KYNU: variants seen among roughly 807,000 people sequenced by gnomAD.
KYNU encodes kynureninase, also known as L-kynurenine hydrolase.
A neutral mutation model predicts 59.2 loss-of-function variants in KYNU; 54 were observed. The observed-to-expected ratio is 0.91, with a 90% CI of 0.73 to 1.14. The LOEUF is 1.14. Among genes scored for constraint, KYNU ranks in the 50% most tolerant of loss-of-function variants. The probability of loss-of-function intolerance (pLI) is 0.00; values close to 1 mark genes in which losing one functional copy is unlikely to be tolerated. For missense variants in KYNU, 567 were observed against 554.4 expected (o/e 1.02, Z -0.23); for synonymous variants, 177 against 192.0 (o/e 0.92, Z 0.65).
intron 10 of KYNU, among the ~76,000 whole-genome samples, chr2:143,016,616 T>C (rs1268637517): frequency 6.6e-6 from 1 of 152,220 alleles, no homozygotes; most frequent in Non-Finnish European, 1.5e-5. Context: ...TGAACTGCTG[T>C]TTATATTAGA....
In KYNU at chr2:142,887,118, G is replaced by A. The variant is rs549379129; in HGVS notation, c.169+1582G>A. Among the ~76,000 whole-genome samples the A allele has an allele frequency of 9.2e-5, 14 of 152,042 alleles. No individual in the cohort carries two copies. The South Asian group carries it at 1.9e-3, about 20-fold the overall frequency. On this transcript the variant is annotated intron_variant, in intron 2 of 13. Transcript: ENST00000264170. ...CCGGGAGGCAGAGCTTGCAGAGAGC[G>A]GAGACTGCACCACTGCACTCCAGCT... is the stretch of plus-strand genomic sequence containing the variant.
At chr2:143,036,447 G>A (rs1686896850) in intron 12 of KYNU, among the ~76,000 whole-genome samples, 1 of 152,164 alleles carries the variant, frequency 6.6e-6, no homozygotes, top group Admixed American at 6.6e-5. Flanking sequence ...AAGGAAGGAG[G>A]AAGTAACTTG....
intron 10 of KYNU, among the ~76,000 whole-genome samples, chr2:143,020,092 T>G (rs1202383861): frequency 6.6e-6 from 1 of 152,056 alleles, no homozygotes; most frequent in African/African-American, 2.4e-5. Flanking sequence ...TTGTTGATCT[T>G]TTATATTTGT....
intron 4 of KYNU, among the ~76,000 whole-genome samples, chr2:142,928,121 G>A (rs1241297134): frequency 1.3e-5 from 2 of 151,928 alleles, no homozygotes; most frequent in African/African-American, 4.8e-5. Flanking sequence ...CATGCTAAAG[G>A]TGTAAAACAC....
At chr2:142,980,164 G>T (rs916105816) in intron 8 of KYNU, among the ~76,000 whole-genome samples, 1 of 150,006 alleles carries the variant, frequency 6.7e-6, no homozygotes, top group African/African-American at 2.4e-5. Context: ...CCTAGCACTG[G>T]TGGGAGTGTC....
intron 2 of KYNU, among the ~76,000 whole-genome samples, chr2:142,909,353 T>A (rs1315281317): frequency 2.0e-5 from 3 of 152,276 alleles, no homozygotes; most frequent in South Asian, 2.1e-4. Flanking sequence ...ATTTTTTTTT[T>A]AATTTCAACT....
At position 143,054,255 on chromosome 2, in the gene KYNU, T is replaced by G. The variant is rs1242798845; in HGVS notation, c.*12083T>G. ...CTATGTATAAGTATTTCCCCAAGTTTCACTTTATCTTTCTATTACTTTTTT... is the reference window on the plus strand; with the variant it reads ...CTATGTATAAGTATTTCCCCAAGTTGCACTTTATCTTTCTATTACTTTTTT... On this transcript the variant is annotated 3_prime_UTR_variant, in exon 14 of 14. Coordinates refer to ENST00000264170, the MANE Select transcript of KYNU (RefSeq NM_003937.3). 6.6e-6 allele frequency: 1 copy of G among 152,020 alleles called. No individual in the cohort carries two copies. The highest frequency in any genetic ancestry group is 1.5e-5 in the Non-Finnish European group (1 of 68,010). The allele number at this position is 152,020 out of a possible 1,614,324, so 9.4% of individuals were successfully genotyped here.
Position 143,043,811 on chromosome 2 carries a change from AT to A in KYNU, c.*1640del, listed in dbSNP as rs2104929837. The A allele has an allele frequency of 1.4e-5, 2 of 147,172 alleles. No homozygotes were observed. Among genetic ancestry groups the A allele is most frequent in the Admixed American group, 1.4e-4 (2 of 14,566 alleles). 9.1% of individuals were successfully genotyped at this position (147,172 alleles called of 1,614,324 possible). A position where few individuals can be genotyped will look rare whatever the true frequency, so the allele number is the denominator to read the frequency against. The stretch of plus-strand genomic sequence containing the variant: ...TTTTAATATATTTATATAAATATAT[AT>A]AAAGTATAATATATATAAAGTATAA... On this transcript the variant is annotated 3_prime_UTR_variant, in exon 14 of 14. Coordinates refer to ENST00000264170, the MANE Select transcript of KYNU (RefSeq NM_003937.3).
intron 8 of KYNU, among the ~76,000 whole-genome samples, chr2:142,969,251 T>A (rs1684641179): frequency 6.6e-6 from 1 of 152,200 alleles, no homozygotes; most frequent in East Asian, 1.9e-4. Flanking sequence ...TGTATATATA[T>A]ACTTGACACA....
intron 10 of KYNU, among the ~76,000 whole-genome samples, chr2:143,003,440 A>G (rs554844267): frequency 7.2e-5 from 11 of 152,144 alleles, no homozygotes; most frequent in African/African-American, 2.2e-4. Context: ...TAAAATAGCC[A>G]GGTGTGGTGG....
chr2:142,918,849 A>C lies in KYNU; in HGVS notation c.290+120A>C, dbSNP rs116154405. On this transcript the variant is annotated intron_variant, in intron 3 of 13. Transcript: ENST00000264170. ...AATCCTAGTACAGTCATCCCTTGGC[A>C]TCTGTGGAGGATTAGTTCCAGGGCC... 1.7e-5 allele frequency: 20 copies of C among 1,177,778 alleles called. 1 individual carries two copies. The East Asian group carries it at 4.8e-4, about 28-fold the overall frequency. The allele number at this position is 1,177,778 out of a possible 1,614,324, so 73.0% of individuals were successfully genotyped here. A position where few individuals can be genotyped will look rare whatever the true frequency, so the allele number is the denominator to read the frequency against.
chr2:142,960,923 C>T (rs951006768), intron 8 of KYNU, among the ~76,000 whole-genome samples, 153 bp downstream of exon 8: 3 of 150,690 alleles, frequency 2.0e-5, no homozygotes, highest in African/African-American at 4.9e-5. Flanking sequence ...GGGCCAGGCA[C>T]GGTGGCTCAC....
chr2:142,980,637 T>G (rs1685025840), intron 8 of KYNU, among the ~76,000 whole-genome samples: 1 of 152,056 alleles, frequency 6.6e-6, no homozygotes, highest in Non-Finnish European at 1.5e-5. Flanking sequence ...ATAATCAGAA[T>G]GGCCTGAAAA....
chr2:142,907,271 G>C (rs1484021141), intron 2 of KYNU, among the ~76,000 whole-genome samples: 1 of 152,152 alleles, frequency 6.6e-6, no homozygotes, highest in Non-Finnish European at 1.5e-5. Flanking sequence ...ATGGAAACTT[G>C]GGCCATGTGG....
intron 10 of KYNU, among the ~76,000 whole-genome samples, chr2:143,025,178 A>G (rs912226398): frequency 3.9e-5 from 6 of 152,018 alleles, no homozygotes. Context: ...TATTTCATTA[A>G]GCTTCTGTTG....
intron 2 of KYNU, among the ~76,000 whole-genome samples, chr2:142,902,753 T>C (rs1393499968): frequency 6.6e-6 from 1 of 152,192 alleles, no homozygotes; most frequent in African/African-American, 2.4e-5. Context: ...TAGAAGTAGA[T>C]TATCCATGTA....
intron 4 of KYNU, chr2:142,954,170 G>A (rs1684087022): frequency 6.6e-6 from 1 of 152,126 alleles, no homozygotes; most frequent in South Asian, 2.1e-4. Context: ...GCAGGAATTA[G>A]ATCAGATTAT....
chr2:142,986,203 C>A (rs190647990), intron 10 of KYNU, among the ~76,000 whole-genome samples, 182 bp downstream of exon 10: 2 of 151,844 alleles, frequency 1.3e-5, no homozygotes, highest in Admixed American at 6.6e-5. Flanking sequence ...CCAAAGAATT[C>A]AATTGGTTGA....
intron 4 of KYNU, among the ~76,000 whole-genome samples, chr2:142,938,483 C>G (rs1322626274): frequency 6.6e-6 from 1 of 152,186 alleles, no homozygotes; most frequent in East Asian, 1.9e-4. Context: ...GTTTACAGCT[C>G]AGCATTTGCC....
Sources: allele counts gnomAD v4.1 joint callset (sites outside exome capture counted in the v4.1 genomes callset), GRCh38; gene constraint gnomAD v4.1.1; transcripts MANE v1.5; gene names NCBI Gene and HGNC (gene_info 2026-07-23, HGNC 2026-07-21).